Variants in SMIM21 observed in about 807,000 individuals in gnomAD.
The protein encoded by SMIM21 is small integral membrane protein 21, also known as chromosome 18 open reading frame 62.
A neutral mutation model predicts 8.6 loss-of-function variants in SMIM21; 8 were observed. That is an observed-to-expected ratio of 0.93 (90% confidence interval 0.55 to 1.68). The LOEUF (loss-of-function observed/expected upper bound fraction) is 1.68. Ranked by LOEUF, SMIM21 falls within the 40% of genes most tolerant of loss-of-function variation. The pLI is 0.00. For missense variants in SMIM21, 132 were observed against 123.0 expected (o/e 1.07, Z -0.35); for synonymous variants, 43 against 41.7 (o/e 1.03, Z -0.12).
intron 2 of SMIM21, among the ~76,000 whole-genome samples, chr18:75,411,947 G>A (rs1341438171): frequency 1.3e-5 from 2 of 152,186 alleles, no homozygotes. Context: ...TGCAGGCCGA[G>A]ACAGGTAGAA....
chr18:75,420,133 G>A (rs183873652), intron 1 of SMIM21, among the ~76,000 whole-genome samples: 69 of 152,304 alleles, frequency 4.5e-4, no homozygotes, highest in African/African-American at 1.6e-3. Flanking sequence ...GGGAGAAACT[G>A]GACTCGCCTT....
chr18:75,421,810 G>A (rs1293430627), intron 1 of SMIM21, among the ~76,000 whole-genome samples: 1 of 152,150 alleles, frequency 6.6e-6, no homozygotes, highest in African/African-American at 2.4e-5. Context: ...CAGCTTAATA[G>A]AAGGCAACTG....
At position 75,410,612 on chromosome 18, in the gene SMIM21, C is replaced by A; in HGVS notation, c.*252G>T. Reference sequence around the variant, plus strand: ...GTTTCGACACGCAGGGCAGATTTCGCAGGGTTGGGTGGCATCTGCAGCTCT... The same window carrying A: ...GTTTCGACACGCAGGGCAGATTTCGAAGGGTTGGGTGGCATCTGCAGCTCT... On this transcript the variant is annotated 3_prime_UTR_variant, in exon 3 of 3. Transcript: ENST00000579022. The A allele has an allele frequency of 1.1e-6, 1 of 931,228 alleles. No individual in the cohort carries two copies. Among genetic ancestry groups the A allele is most frequent in the Non-Finnish European group, 1.5e-6 (1 of 685,818 alleles). The allele number at this position is 931,228 out of a possible 1,614,324, so 57.7% of individuals were successfully genotyped here.
intron 2 of SMIM21, among the ~76,000 whole-genome samples, chr18:75,411,150 T>C (rs1323560777): frequency 1.2e-4 from 19 of 152,168 alleles, no homozygotes; most frequent in Admixed American, 1.2e-3. Context: ...TCTCTGAGAA[T>C]GAAACACCAA....
At chr18:75,427,320 G>T in intron 1 of SMIM21, 115 bp downstream of exon 1, 1 of 1,212,206 alleles carries the variant, frequency 8.2e-7, no homozygotes, top group African/African-American at 1.5e-5. Context: ...GTAGAATCTG[G>T]ATTTGAGAGA....
At chr18:75,418,336 A>C (rs2024670510) in intron 2 of SMIM21, 1 of 394,076 alleles carries the variant, frequency 2.5e-6, no homozygotes, top group East Asian at 3.6e-5. Flanking sequence ...ATAAACTCAA[A>C]GAAGGGCTGA....
At chr18:75,426,631 T>TAAAAAAAA (rs777676195) in intron 1 of SMIM21, among the ~76,000 whole-genome samples, 21 of 89,254 alleles carry the variant, frequency 2.4e-4, no homozygotes, top group South Asian at 4.0e-4. Context: ...TTTTAAAATG[T>TAAAAAAAA]AAAAAAAAAA....
intron 1 of SMIM21, among the ~76,000 whole-genome samples, chr18:75,424,730 C>G (rs1463419951): frequency 2.0e-5 from 3 of 152,192 alleles, no homozygotes; most frequent in Non-Finnish European, 2.9e-5. Flanking sequence ...CCCTGCCTCC[C>G]CAATCTCAGC....
At chr18:75,416,992 A>G (rs2024653345) in intron 2 of SMIM21, 1 of 152,228 alleles carries the variant, frequency 6.6e-6, no homozygotes, top group African/African-American at 2.4e-5. Context: ...TTCCTTTAGG[A>G]GAAAATTTGG....
chr18:75,412,871 C>G (rs1253322876), intron 2 of SMIM21, among the ~76,000 whole-genome samples: 2 of 152,172 alleles, frequency 1.3e-5, no homozygotes, highest in Admixed American at 6.5e-5. Flanking sequence ...CCTCCTCCCC[C>G]AGTCTCATTG....
rs2024668049 is a variant in SMIM21, at chr18:75,418,122, T to C, written c.260+664A>G. 4 of 398,336 alleles carry C rather than the reference T, an allele frequency of 1.0e-5. No individual in the cohort carries two copies. In the Admixed American group the frequency reaches 1.8e-4, roughly 18 times the overall value. The allele number at this position is 398,336 out of a possible 1,614,324, so 24.7% of individuals were successfully genotyped here. A position where few individuals can be genotyped will look rare whatever the true frequency, so the allele number is the denominator to read the frequency against. On this transcript the variant is annotated intron_variant, in intron 2 of 2. Transcript: ENST00000579022. ...AGTGGGTGCTTTATTTTTATTTTTA[T>C]TTTTCCGAGTGAGGCTGGGTATGTT...
intron 2 of SMIM21, among the ~76,000 whole-genome samples, chr18:75,413,754 A>AG (rs1397324332): frequency 2.6e-5 from 4 of 152,142 alleles, no homozygotes; most frequent in Non-Finnish European, 4.4e-5. Context: ...TCTCTGTATA[A>AG]GGGCCATCCT....
intron 2 of SMIM21, among the ~76,000 whole-genome samples, chr18:75,414,832 G>A (rs1473329780): frequency 6.6e-6 from 1 of 151,692 alleles, no homozygotes; most frequent in Non-Finnish European, 1.5e-5. Context: ...AATTGGCTTT[G>A]GTATTTTGCG....
chr18:75,416,576 CT>C (rs1249195628), intron 2 of SMIM21: 1 of 152,190 alleles, frequency 6.6e-6, no homozygotes, highest in East Asian at 1.9e-4. Context: ...GTTCCTCCAT[CT>C]TTTCTTCCAG....
chr18:75,427,684 A>C lies in SMIM21; in HGVS notation c.-121T>G. The C allele has an allele frequency of 1.9e-6, 2 of 1,029,538 alleles. No homozygotes were observed. Among genetic ancestry groups the C allele is most frequent in the East Asian group, 5.3e-5 (2 of 37,814 alleles). 63.8% of individuals were successfully genotyped at this position (1,029,538 alleles called of 1,614,324 possible). A position where few individuals can be genotyped will look rare whatever the true frequency, so the allele number is the denominator to read the frequency against. On this transcript the variant is annotated 5_prime_UTR_variant, in exon 1 of 3. Coordinates refer to ENST00000579022, the MANE Select transcript of SMIM21 (RefSeq NM_001037331.3). ...CAAGGAGCTTTTCTCTTCTTTGCCA[A>C]CCTTGAAGATCTGGGTATTATTTTA...
intron 1 of SMIM21, among the ~76,000 whole-genome samples, chr18:75,422,506 T>C (rs980061055): frequency 5.9e-5 from 9 of 152,230 alleles, no homozygotes; most frequent in African/African-American, 1.9e-4. Context: ...CACAAAAACT[T>C]GTATGCAAGT....
chr18:75,418,202 G>A (rs975494621), intron 2 of SMIM21: 5 of 398,290 alleles, frequency 1.3e-5, no homozygotes, highest in African/African-American at 2.1e-5. Context: ...CCTGTTGAAG[G>A]AAAAATAAAA....
chr18:75,419,161 GTGTAAATTAAAA>G (rs1325763362), intron 1 of SMIM21: 1 of 282,140 alleles, frequency 3.5e-6, no homozygotes, highest in Non-Finnish European at 6.6e-6. Flanking sequence ...TTAAGTATCA[GTGTAAATTAAAA>G]GCAGATTCAC....
Position 75,426,948 on chromosome 18 carries a change from A to T in SMIM21, c.129+487T>A, listed in dbSNP as rs142145867. Reference sequence around the variant, plus strand: ...GCCATCTGTTGCCTGCACATTGGCTACTGGTTCATGAATGGTTAAATTTGT... The same window carrying T: ...GCCATCTGTTGCCTGCACATTGGCTTCTGGTTCATGAATGGTTAAATTTGT... On this transcript the variant is annotated intron_variant, in intron 1 of 2. Coordinates refer to ENST00000579022, the MANE Select transcript of SMIM21 (RefSeq NM_001037331.3). 3.2e-3 allele frequency among the ~76,000 whole-genome samples: 489 copies of T among 152,288 alleles called. 1 individual carries two copies. The highest frequency in any genetic ancestry group is 0.011 in the African/African-American group (468 of 41,554).
Sources: allele counts gnomAD v4.1 joint callset (sites outside exome capture counted in the v4.1 genomes callset), GRCh38; gene constraint gnomAD v4.1.1; transcripts MANE v1.5; gene names NCBI Gene and HGNC (gene_info 2026-07-23, HGNC 2026-07-21).